Variants in ITCH observed in about 807,000 individuals in gnomAD.
ITCH encodes itchy E3 ubiquitin protein ligase.
ITCH carries 28 observed loss-of-function variants against 126.8 expected under a neutral mutation model. The observed-to-expected ratio is 0.22, with a 90% CI of 0.16 to 0.30. The LOEUF (loss-of-function observed/expected upper bound fraction) is 0.30, where lower values mean the gene tolerates loss of function less well. Among genes scored for constraint, ITCH ranks in the 10% least tolerant of loss-of-function variants. The probability of loss-of-function intolerance (pLI) is 1.00; values close to 1 mark genes in which losing one functional copy is unlikely to be tolerated. For missense variants in ITCH, 631 were observed against 1,032.4 expected (o/e 0.61, Z 5.33); for synonymous variants, 342 against 340.0 (o/e 1.01, Z -0.06).
intron 3 of ITCH, chr20:34,401,754 A>G: frequency 4.3e-6 from 2 of 467,354 alleles, no homozygotes; most frequent in Non-Finnish European, 5.6e-6. Flanking sequence ...TCCCCCCTAA[A>G]AAAGAGGAGG....
At chr20:34,456,218 T>A (rs1415432155) in intron 12 of ITCH, among the ~76,000 whole-genome samples, 7 of 31,196 alleles carry the variant, frequency 2.2e-4, no homozygotes, top group Non-Finnish European at 3.6e-4. Flanking sequence ...ATATATATTT[T>A]TTTTTTTTTT....
chr20:34,379,046 G>A (rs1026422781), intron 2 of ITCH, among the ~76,000 whole-genome samples: 12 of 152,114 alleles, frequency 7.9e-5, no homozygotes, highest in African/African-American at 2.7e-4. Flanking sequence ...ACTATATTCT[G>A]TATATATTGA....
At chr20:34,418,439 T>C (rs189560886) in intron 6 of ITCH, among the ~76,000 whole-genome samples, 43 of 152,314 alleles carry the variant, frequency 2.8e-4, no homozygotes, top group South Asian at 1.0e-3. Context: ...TTTGTTATGT[T>C]AGGCTCTAGT....
intron 24 of ITCH, among the ~76,000 whole-genome samples, chr20:34,506,880 T>C (rs906066876): frequency 4.6e-5 from 7 of 152,210 alleles, no homozygotes; most frequent in African/African-American, 7.2e-5. Context: ...TTTTCATCCA[T>C]GTTGTAGCAT....
intron 23 of ITCH, among the ~76,000 whole-genome samples, chr20:34,499,140 A>T (rs1023041529): frequency 6.6e-6 from 1 of 151,244 alleles, no homozygotes; most frequent in Non-Finnish European, 1.5e-5. Flanking sequence ...ATGCTCGGCT[A>T]ATTTTTTGTC....
chr20:34,468,816 G>GAA (rs1353314391), intron 14 of ITCH, among the ~76,000 whole-genome samples: 3 of 150,938 alleles, frequency 2.0e-5, no homozygotes, highest in African/African-American at 7.3e-5. Context: ...GAAAAGAAAA[G>GAA]AAATATAAGA....
chr20:34,416,269 A>G (rs1243100030), intron 6 of ITCH, among the ~76,000 whole-genome samples: 10 of 151,808 alleles, frequency 6.6e-5, no homozygotes, highest in Non-Finnish European at 1.5e-5. Context: ...GTGGTGGCGC[A>G]TGCCTGTAAT....
At chr20:34,438,675 T>C in intron 8 of ITCH, 44 bp downstream of exon 8, 1 of 1,604,164 alleles carries the variant, frequency 6.2e-7, no homozygotes. Context: ...AATGTCCTGG[T>C]TGGCAATTAA....
Position 34,504,311 on chromosome 20 carries a change from A to G in ITCH, c.2417-20A>G, listed in dbSNP as rs1990481945. ...GATCCACTATACTAACAAACTGTTT[A>G]TGATTTCATTATGTTTTAGGGAGCA... On this transcript the variant is annotated intron_variant, in intron 23 of 24. Coordinates refer to ENST00000374864, the MANE Select transcript of ITCH (RefSeq NM_031483.7). 3 of 1,593,550 alleles carry G rather than the reference A, an allele frequency of 1.9e-6. No individual in the cohort carries two copies. In the South Asian group the frequency reaches 3.3e-5, roughly 18 times the overall value.
intron 14 of ITCH, among the ~76,000 whole-genome samples, chr20:34,463,060 G>T (rs1374857409): frequency 1.3e-5 from 2 of 152,020 alleles, no homozygotes; most frequent in African/African-American, 2.4e-5. Context: ...TCTGAACATT[G>T]GTATATAATT....
At position 34,476,407 on chromosome 20, in the gene ITCH, C is replaced by T. The variant is rs1052708156; in HGVS notation, c.1570-1365C>T. Reference sequence around the variant, plus strand: ...GCGGGACCCGGCGTGGTGCAGCCACCGGCCGGCCGGGTCGCCGAGGACCGC... The same window carrying T: ...GCGGGACCCGGCGTGGTGCAGCCACTGGCCGGCCGGGTCGCCGAGGACCGC... On this transcript the variant is annotated intron_variant, in intron 16 of 24. Transcript: ENST00000374864. 2.1e-5 allele frequency: 26 copies of T among 1,237,740 alleles called. No individual in the cohort carries two copies. The East Asian group carries it at 3.3e-4, about 16-fold the overall frequency. The allele number at this position is 1,237,740 out of a possible 1,614,324, so 76.7% of individuals were successfully genotyped here.
intron 15 of ITCH, among the ~76,000 whole-genome samples, chr20:34,470,785 A>G (rs1044563397): frequency 6.6e-6 from 1 of 151,842 alleles, no homozygotes; most frequent in Non-Finnish European, 1.5e-5. Flanking sequence ...GGGTCCCCTT[A>G]TGTTGCCCAG....
chr20:34,424,415 G>A (rs1981210545), intron 6 of ITCH, 65 bp from the exon 7 acceptor site: 1 of 1,273,176 alleles, frequency 7.9e-7, no homozygotes, highest in Non-Finnish European at 1.1e-6. Context: ...GGCATGTTTA[G>A]AAAAGAAAAA....
chr20:34,415,564 A>C (rs890884738), intron 6 of ITCH, among the ~76,000 whole-genome samples: 4 of 152,016 alleles, frequency 2.6e-5, no homozygotes, highest in African/African-American at 9.7e-5. Flanking sequence ...TCTCAAAAAA[A>C]ATAAAGTAGC....
chr20:34,487,548 A>G (rs1402431701), intron 20 of ITCH, among the ~76,000 whole-genome samples: 4 of 151,982 alleles, frequency 2.6e-5, no homozygotes, highest in African/African-American at 9.7e-5. Flanking sequence ...TTTTTTAGCT[A>G]TACCTCTTTG....
At chr20:34,402,686 A>C (rs1410103599) in intron 3 of ITCH, 1 of 504,830 alleles carries the variant, frequency 2.0e-6, no homozygotes, top group African/African-American at 1.9e-5. Context: ...AACACACTTA[A>C]TTGTCTGCAT....
chr20:34,445,556 T>C (rs945528162), intron 11 of ITCH, 95 bp downstream of exon 11: 22 of 1,211,804 alleles, frequency 1.8e-5, no homozygotes, highest in Non-Finnish European at 2.5e-5. Flanking sequence ...AAGGTGCAAG[T>C]AGCATGGCAA....
chr20:34,448,961 C>T (rs894783850), intron 11 of ITCH, among the ~76,000 whole-genome samples: 2 of 152,150 alleles, frequency 1.3e-5, no homozygotes. Flanking sequence ...GTTCCCCCAA[C>T]TCTCTTCTCA....
At chr20:34,440,937 A>G (rs1374275380) in intron 9 of ITCH, among the ~76,000 whole-genome samples, 3 of 152,094 alleles carry the variant, frequency 2.0e-5, no homozygotes, top group Non-Finnish European at 2.9e-5. Flanking sequence ...TTTAAGGGGG[A>G]AAAAATCCCT....
Sources: allele counts gnomAD v4.1 joint callset (sites outside exome capture counted in the v4.1 genomes callset), GRCh38; gene constraint gnomAD v4.1.1; transcripts MANE v1.5; gene names NCBI Gene and HGNC (gene_info 2026-07-23, HGNC 2026-07-21).